The following SMYD3 variants were observed in gnomAD, a reference collection of about 807,000 sequenced individuals.
SMYD3 encodes the protein SET and MYND domain containing 3.
SMYD3 carries 36 observed loss-of-function variants against 57.7 expected under a neutral mutation model. That is an observed-to-expected ratio of 0.62 (90% CI 0.48 to 0.82). SMYD3 has a LOEUF of 0.82. SMYD3 is among the 40% of genes least tolerant of loss of function. SMYD3 has a pLI of 0.00. For missense variants in SMYD3, 515 were observed against 538.8 expected (o/e 0.96, Z 0.44); for synonymous variants, 211 against 195.0 (o/e 1.08, Z -0.68).
intron 5 of SMYD3, among the ~76,000 whole-genome samples, chr1:246,026,479 C>T (rs906333032): frequency 2.0e-5 from 3 of 152,162 alleles, no homozygotes; most frequent in Non-Finnish European, 4.4e-5. Flanking sequence ...TTGAACAAGT[C>T]TATTAGCACC....
intron 10 of SMYD3, among the ~76,000 whole-genome samples, chr1:245,827,175 G>A (rs2049549056): frequency 6.6e-6 from 1 of 152,136 alleles, no homozygotes; most frequent in African/African-American, 2.4e-5. Context: ...GAGATTAAAC[G>A]GCACGTTCAA....
intron 10 of SMYD3, among the ~76,000 whole-genome samples, chr1:245,800,648 GA>G (rs2047814078): frequency 6.6e-6 from 1 of 152,140 alleles, no homozygotes; most frequent in Admixed American, 6.5e-5. Flanking sequence ...GACATCTGTG[GA>G]TAACAAATGA....
intron 5 of SMYD3, among the ~76,000 whole-genome samples, chr1:245,949,450 A>C (rs2057541835): frequency 6.6e-6 from 1 of 152,166 alleles, no homozygotes; most frequent in Non-Finnish European, 1.5e-5. Flanking sequence ...GATACAGCCA[A>C]AAAAGAAAAA....
chr1:245,792,016 C>G (rs1053555164), intron 10 of SMYD3, among the ~76,000 whole-genome samples: 1 of 150,180 alleles, frequency 6.7e-6, no homozygotes, highest in Non-Finnish European at 1.5e-5. Flanking sequence ...AAAGGCTGTT[C>G]GATGAAATTT....
At chr1:245,851,221 C>T (rs968931756) in intron 10 of SMYD3, among the ~76,000 whole-genome samples, 10 of 152,322 alleles carry the variant, frequency 6.6e-5, no homozygotes, top group African/African-American at 1.9e-4. Context: ...CTCACAGGTG[C>T]CCCTCAGCTG....
At chr1:245,945,857 A>G (rs1225434462) in intron 5 of SMYD3, among the ~76,000 whole-genome samples, 1 of 152,252 alleles carries the variant, frequency 6.6e-6, no homozygotes, top group African/African-American at 2.4e-5. Flanking sequence ...AAACTAATGC[A>G]GGAACAGAAA....
At chr1:246,482,139 C>T (rs2068119095) in intron 1 of SMYD3, among the ~76,000 whole-genome samples, 1 of 152,022 alleles carries the variant, frequency 6.6e-6, no homozygotes, top group Non-Finnish European at 1.5e-5. Flanking sequence ...GCCTGGGCAA[C>T]AGAGCGAGAC....
rs193164587 is a variant in SMYD3, at chr1:246,356,726, C to T, written c.165-1632G>A. On this transcript the variant is annotated intron_variant, in intron 1 of 11. Coordinates refer to ENST00000490107, the MANE Select transcript of SMYD3 (RefSeq NM_001167740.2). ...TTGAAGACAAGTCTTTTGAGTTAAC[C>T]CAATCCATCAAAGACAAAGAAAAAA... is the stretch of plus-strand genomic sequence containing the variant. Among the ~76,000 whole-genome samples, 1,037 of 152,122 alleles carry T rather than the reference C, an allele frequency of 6.8e-3. 13 individuals are homozygous for T. The highest frequency in any genetic ancestry group is 0.023 in the African/African-American group (975 of 41,508).
chr1:245,937,205 C>G (rs2057022780), intron 5 of SMYD3, among the ~76,000 whole-genome samples: 1 of 152,140 alleles, frequency 6.6e-6, no homozygotes, highest in Admixed American at 6.5e-5. Flanking sequence ...TCAACAATCA[C>G]TTGTCAAGGC....
intron 1 of SMYD3, among the ~76,000 whole-genome samples, chr1:246,397,441 C>A (rs183456232): frequency 6.6e-6 from 1 of 152,184 alleles, no homozygotes; most frequent in Admixed American, 6.5e-5. Flanking sequence ...CAGATGATAC[C>A]TTTTGTGCTC....
chr1:246,030,237 T>C (rs902970805), intron 5 of SMYD3, among the ~76,000 whole-genome samples: 13 of 152,020 alleles, frequency 8.6e-5, no homozygotes, highest in African/African-American at 3.1e-4. Context: ...TATTCAGCCA[T>C]AGAAAAGAAT....
intron 5 of SMYD3, among the ~76,000 whole-genome samples, chr1:246,206,537 A>T (rs1345371771): frequency 6.6e-6 from 1 of 151,828 alleles, no homozygotes; most frequent in Non-Finnish European, 1.5e-5. Context: ...CAGAACTTGT[A>T]TGCTTGAAAA....
intron 5 of SMYD3, among the ~76,000 whole-genome samples, chr1:246,316,671 G>A (rs1337485482): frequency 2.9e-5 from 4 of 138,378 alleles, no homozygotes; most frequent in Admixed American, 1.4e-4. Context: ...GTGAGCCACC[G>A]TGGCTGGCCA....
At chr1:246,247,198 G>A (rs561465999) in intron 5 of SMYD3, among the ~76,000 whole-genome samples, 1 of 152,126 alleles carries the variant, frequency 6.6e-6, no homozygotes, top group African/African-American at 2.4e-5. Context: ...TCAGTATAAC[G>A]AATTGCCAGA....
chr1:245,846,369 A>C (rs2050664914), intron 10 of SMYD3, among the ~76,000 whole-genome samples: 1 of 152,224 alleles, frequency 6.6e-6, no homozygotes, highest in African/African-American at 2.4e-5. Flanking sequence ...TTGTATTAAA[A>C]TTAGCATCAC....
At chr1:245,756,246 ACTC>A (rs2045601953) in intron 11 of SMYD3, among the ~76,000 whole-genome samples, 2 of 151,268 alleles carry the variant, frequency 1.3e-5, no homozygotes, top group Non-Finnish European at 3.0e-5. Context: ...TACCCATTGA[ACTC>A]AAGTGTAGAA....
At chr1:245,934,510 G>T (rs2147866199) in intron 5 of SMYD3, among the ~76,000 whole-genome samples, 1 of 152,132 alleles carries the variant, frequency 6.6e-6, no homozygotes, top group Middle Eastern at 3.4e-3. Context: ...TATCTGTATG[G>T]CAAATATTTA....
At chr1:246,501,110 T>C (rs959230505) in intron 1 of SMYD3, among the ~76,000 whole-genome samples, 1 of 152,208 alleles carries the variant, frequency 6.6e-6, no homozygotes, top group African/African-American at 2.4e-5. Context: ...TGCTTGACCT[T>C]CAGGGCCTCC....
intron 10 of SMYD3, among the ~76,000 whole-genome samples, chr1:245,784,091 G>C (rs932533847): frequency 4.6e-5 from 7 of 152,196 alleles, no homozygotes; most frequent in Non-Finnish European, 1.0e-4. Context: ...TTTTGGAAAA[G>C]GAGCAAAACT....
Sources: allele counts gnomAD v4.1 joint callset (sites outside exome capture counted in the v4.1 genomes callset), GRCh38; gene constraint gnomAD v4.1.1; transcripts MANE v1.5; gene names NCBI Gene and HGNC (gene_info 2026-07-23, HGNC 2026-07-21).